The following NRL variants were observed in gnomAD, a reference collection of about 807,000 sequenced individuals.
The protein encoded by NRL is neural retina leucine zipper.
In NRL, 16 loss-of-function variants were observed where a neutral mutation model predicts 12.5. The ratio of observed to expected loss-of-function variants is 1.28; its 90% CI spans 0.87 to 1.95. The LOEUF is 1.95. NRL is among the 30% of genes most tolerant of loss of function. The pLI, the probability that NRL is intolerant of heterozygous loss-of-function variation, is 0.00. For missense variants in NRL, 314 were observed against 325.8 expected (o/e 0.96, Z 0.28); for synonymous variants, 142 against 150.9 (o/e 0.94, Z 0.43).
In NRL at chr14:24,100,110, T is replaced by C. The variant is rs1455628253; in HGVS notation, c.-28+14612A>G. On this transcript the variant is annotated intron_variant, in intron 1 of 2. Transcript: ENST00000561028. ...TCCAGAGTAACACTATTTTTACCAA[T>C]GTGGCTGAGACCAGTGATGGTGGCG... 2 of 1,612,792 alleles carry C rather than the reference T, an allele frequency of 1.2e-6. 1 individual carries two copies. Among genetic ancestry groups the C allele is most frequent in the African/African-American group, 2.7e-5 (2 of 74,914 alleles).
chr14:24,100,609 A>G, intron 1 of NRL: 1 of 1,058,378 alleles, frequency 9.4e-7, no homozygotes, highest in Non-Finnish European at 1.1e-6. Context: ...AGGACTTTTG[A>G]ACATTCTTAC....
rs78967414 is a variant in NRL, at chr14:24,079,153, G to A, written c.*2083C>T. Among the ~76,000 whole-genome samples the A allele has an allele frequency of 2.6e-5, 4 of 152,086 alleles. No individual in the cohort carries two copies. The highest frequency in any genetic ancestry group is 5.9e-5 in the Non-Finnish European group (4 of 68,036). ...TTTTAAGTATACTCAGGTAACCCAG[G>A]AGTATCATTTTGAGACCCAGGTATG... On this transcript the variant is annotated 3_prime_UTR_variant, in exon 3 of 3. Transcript: ENST00000561028.
chr14:24,102,993 T>G, intron 1 of NRL: 1 of 1,320,562 alleles, frequency 7.6e-7, no homozygotes, highest in South Asian at 1.3e-5. Flanking sequence ...ATCTCACCTT[T>G]CTCCAGAGTT....
intron 1 of NRL, chr14:24,100,270 GA>G: frequency 6.3e-7 from 1 of 1,592,296 alleles, no homozygotes. Context: ...CTTAATGGTG[GA>G]AAAGCTTTCT....
rs773461686 is a variant in NRL at position 24,082,516 on chromosome 14, A to G, written c.333T>C (p.His111=). ...CCTCTGGGCTCCCTGGGTAGTAGCC[A>G]TGGGGCCCATCAACAGGGACTGGGC... ...GQGPVPVDGP[H]GYYPGSPEET... is the part of the protein sequence containing the mutation. The change falls in exon 2 of 3, where the codon CAT becomes CAC. Residue 111 remains histidine, a synonymous_variant. Transcript: ENST00000561028. 3 of 1,613,218 alleles carry G rather than the reference A, an allele frequency of 1.9e-6. No individual in the cohort carries two copies. The highest frequency in any genetic ancestry group is 2.2e-5 in the South Asian group (2 of 91,080).
At position 24,111,949 on chromosome 14, in the gene NRL, T is replaced by C. The variant is rs568596341; in HGVS notation, c.-28+2773A>G. 2.2e-3 allele frequency among the ~76,000 whole-genome samples: 217 copies of C among 97,328 alleles called. 2 individuals are homozygous for C. The highest frequency in any genetic ancestry group is 8.6e-3 in the African/African-American group (208 of 24,100). The allele number at this position is 97,328 out of a possible 152,430, so 63.9% of individuals were successfully genotyped here. ...AGGGAATGCTTCCAGTTTTTGCCCA[T>C]TCAGTATGATATTGGCTGTGGGTTT... On this transcript the variant is annotated intron_variant, in intron 1 of 2. Coordinates refer to ENST00000561028, the MANE Select transcript of NRL (RefSeq NM_001354768.3).
At chr14:24,109,655 T>C (rs796758937) in intron 1 of NRL, among the ~76,000 whole-genome samples, 3 of 145,944 alleles carry the variant, frequency 2.1e-5, no homozygotes, top group African/African-American at 7.7e-5. Context: ...CCGAGATCGG[T>C]CCACTGCACT....
chr14:24,106,071 G>C (rs141066597), intron 1 of NRL, among the ~76,000 whole-genome samples: 1 of 152,134 alleles, frequency 6.6e-6, no homozygotes, highest in Non-Finnish European at 1.5e-5. Flanking sequence ...TGATGCTGCC[G>C]GTCTGCGAAC....
rs374553180 is a variant in NRL, at chr14:24,089,201, C to T, written c.-27-6326G>A. The stretch of plus-strand genomic sequence containing the variant: ...ATCCACCCGCCTCAGCCTCCCAAAG[C>T]GCTGGGGTTATAGGCATGAGCCACT... On this transcript the variant is annotated intron_variant, in intron 1 of 2. Coordinates refer to ENST00000561028, the MANE Select transcript of NRL (RefSeq NM_001354768.3). 2.6e-3 allele frequency among the ~76,000 whole-genome samples: 387 copies of T among 151,700 alleles called. 4 individuals carry two copies. Among genetic ancestry groups the T allele is most frequent in the African/African-American group, 9.0e-3 (372 of 41,382 alleles).
rs2037007371 is a variant in NRL, at chr14:24,098,563, T to C, written c.-27-15688A>G. On this transcript the variant is annotated intron_variant, in intron 1 of 2. Coordinates refer to ENST00000561028, the MANE Select transcript of NRL (RefSeq NM_001354768.3). ...GGGTGCAGCTCACTGACTCAGCCTATGTGGTGGCAAGCATGCGTATTATGA... is the reference window on the plus strand; with the variant it reads ...GGGTGCAGCTCACTGACTCAGCCTACGTGGTGGCAAGCATGCGTATTATGA... The C allele has an allele frequency of 3.1e-6, 5 of 1,614,022 alleles. No individual in the cohort carries two copies. Among genetic ancestry groups the C allele is most frequent in the Non-Finnish European group, 4.2e-6 (5 of 1,180,018 alleles).
Position 24,079,095 on chromosome 14 carries a change from T to C in NRL, c.*2141A>G, listed in dbSNP as rs368059904. ...AACCACTGCGCCCCACCTAAAGCAC[T>C]ACTCTTAATCACCACAGTGTGCAAC... On this transcript the variant is annotated 3_prime_UTR_variant, in exon 3 of 3. Coordinates refer to ENST00000561028, the MANE Select transcript of NRL (RefSeq NM_001354768.3). 2.6e-5 allele frequency among the ~76,000 whole-genome samples: 4 copies of C among 152,344 alleles called. No individual in the cohort carries two copies. Among genetic ancestry groups the C allele is most frequent in the African/African-American group, 9.6e-5 (4 of 41,574 alleles).
Position 24,094,522 on chromosome 14 carries a change from C to G in NRL, c.-27-11647G>C. ...CCAGTGGCGCTCTCCTGCTCTCAGC[C>G]TCCGCCAGGTTTCCCATCCTAGGCG... On this transcript the variant is annotated intron_variant, in intron 1 of 2. Transcript: ENST00000561028. The surrounding 1 kb of genome is among the most constrained non-coding windows in gnomAD (Gnocchi z 4.1). 3 of 1,449,460 alleles carry G rather than the reference C, an allele frequency of 2.1e-6. No individual in the cohort carries two copies. In the South Asian group the frequency reaches 4.3e-5, roughly 21 times the overall value. 89.8% of individuals were successfully genotyped at this position (1,449,460 alleles called of 1,614,324 possible).
rs772944966 is a variant in NRL at position 24,099,694 on chromosome 14, T to A, written c.-28+15028A>T. ...AAAGTGGAGTGTGTGGGGGATGATA[T>A]TGCTTGGATGAGGTTTGACAGTGAA... is the stretch of plus-strand genomic sequence containing the variant. On this transcript the variant is annotated intron_variant, in intron 1 of 2. Transcript: ENST00000561028. 1.9e-6 allele frequency: 3 copies of A among 1,614,066 alleles called. No homozygotes were observed. In the East Asian group the frequency reaches 6.7e-5, roughly 36 times the overall value.
At chr14:24,096,893 C>T (rs768381631) in intron 1 of NRL, 82 of 1,612,262 alleles carry the variant, frequency 5.1e-5, no homozygotes, top group Non-Finnish European at 6.8e-5. Flanking sequence ...CTCCTATAGG[C>T]TTAACTGGCA....
chr14:24,109,826 T>A lies in NRL; in HGVS notation c.-28+4896A>T, dbSNP rs974760271. The stretch of plus-strand genomic sequence containing the variant: ...CATAAAACCTCAGTTATTTTAACAT[T>A]TACCATGACTTTTAAATGTTTTACT... On this transcript the variant is annotated intron_variant, in intron 1 of 2. Coordinates refer to ENST00000561028, the MANE Select transcript of NRL (RefSeq NM_001354768.3). 5.9e-5 allele frequency among the ~76,000 whole-genome samples: 9 copies of A among 152,342 alleles called. 1 individual carries two copies. The South Asian group carries it at 1.4e-3, about 25-fold the overall frequency.
At chr14:24,095,315 A>G in intron 1 of NRL, 1 of 439,162 alleles carries the variant, frequency 2.3e-6, no homozygotes, top group South Asian at 1.6e-5. Context: ...GGCTGTCCTC[A>G]AGACTGTGTG....
rs2036242392 is a variant in NRL, at chr14:24,080,346, G to A, written c.*890C>T. On this transcript the variant is annotated 3_prime_UTR_variant, in exon 3 of 3. Coordinates refer to ENST00000561028, the MANE Select transcript of NRL (RefSeq NM_001354768.3). ...CACGTATGTGCTCACAGAGAAGCCA[G>A]GCTTCCTCGCCTGGGCTGTGCATCC... 1 of 152,270 alleles carries A rather than the reference G, an allele frequency of 6.6e-6. No individual in the cohort carries two copies. The highest frequency in any genetic ancestry group is 2.4e-5 in the African/African-American group (1 of 41,454). 9.4% of individuals were successfully genotyped at this position (152,270 alleles called of 1,614,324 possible).
intron 1 of NRL, chr14:24,098,947 A>T: frequency 1.1e-6 from 1 of 893,696 alleles, no homozygotes; most frequent in Non-Finnish European, 1.8e-6. Context: ...TGGTGCTGCT[A>T]CTGCTCCCAA....
chr14:24,094,493 G>C lies in NRL; in HGVS notation c.-27-11618C>G. 2 of 1,475,728 alleles carry C rather than the reference G, an allele frequency of 1.4e-6. No individual in the cohort carries two copies. The allele number at this position is 1,475,728 out of a possible 1,614,324, so 91.4% of individuals were successfully genotyped here. Reference sequence around the variant, plus strand: ...CTTCCGCTGCGCTCGCCCCCTCGGGGCTGCCAGTGGCGCTCTCCTGCTCTC... The same window carrying C: ...CTTCCGCTGCGCTCGCCCCCTCGGGCCTGCCAGTGGCGCTCTCCTGCTCTC... On this transcript the variant is annotated intron_variant, in intron 1 of 2. Transcript: ENST00000561028. The surrounding 1 kb of genome is among the most constrained non-coding windows in gnomAD (Gnocchi z 4.1).
Sources: gnomAD v4.1 joint callset for allele counts (sites outside exome capture counted in the v4.1 genomes callset) on GRCh38, gnomAD v4.1.1 for gene constraint, Gnocchi (gnomAD v3.1) non-coding constraint, MANE v1.5 for transcripts, NCBI Gene and HGNC (gene_info 2026-07-23, HGNC 2026-07-21) for gene names.